TDP1: variants seen among roughly 807,000 people sequenced by gnomAD.
TDP1 encodes tyrosyl-DNA phosphodiesterase 1, also known as tyr-DNA phosphodiesterase 1.
Under a neutral mutation model 81.5 loss-of-function variants are expected in TDP1, and 64 were observed. The observed-to-expected ratio is 0.79, with a 90% confidence interval of 0.64 to 0.97. TDP1 has a LOEUF of 0.97. TDP1 is among the 50% of genes least tolerant of loss of function. The pLI is 0.00. For missense variants in TDP1, 723 were observed against 743.8 expected, an observed-to-expected ratio of 0.97 and a Z score of 0.33; for synonymous variants, 256 against 264.3, an observed-to-expected ratio of 0.97 and a Z score of 0.30.
At chr14:90,032,097 C>T (rs1483690572) in intron 15 of TDP1, among the ~76,000 whole-genome samples, 5 of 152,102 alleles carry the variant, frequency 3.3e-5, no homozygotes, top group Non-Finnish European at 7.4e-5. Context: ...AAGAGGGACT[C>T]GAGAAATAAA....
At chr14:90,040,303 G>A (rs746345271) in intron 16 of TDP1, among the ~76,000 whole-genome samples, 3 of 152,052 alleles carry the variant, frequency 2.0e-5, no homozygotes, top group Non-Finnish European at 2.9e-5. Flanking sequence ...TCCCATCCCC[G>A]TAGCCTTGAA....
At chr14:89,960,140 TG>T (rs1469787076) in intron 2 of TDP1, among the ~76,000 whole-genome samples, 1 of 152,238 alleles carries the variant, frequency 6.6e-6, no homozygotes, top group Non-Finnish European at 1.5e-5. Context: ...GTGGTTCTTT[TG>T]TTCCTAGATA....
chr14:89,955,363 A>G (rs1891456935), upstream of TDP1: 1 of 152,268 alleles, frequency 6.6e-6, no homozygotes, highest in African/African-American at 2.4e-5. Flanking sequence ...AAATACCATA[A>G]ACAGCACCGA....
rs1315297435 is a variant in TDP1 at position 89,984,507 on chromosome 14, T to A, written c.885-9T>A. 1 of 1,613,966 alleles carries A rather than the reference T, an allele frequency of 6.2e-7. No individual in the cohort carries two copies. The highest frequency in any genetic ancestry group is 8.5e-7 in the Non-Finnish European group (1 of 1,180,038). ...GCCTGACTGTTAAAGGTTATTTTTT[T>A]AATTCCAGAATATGGTTGAGCCCCT... On this transcript the variant is annotated splice_polypyrimidine_tract_variant and intron_variant, in intron 8 of 16. Coordinates refer to ENST00000335725, the MANE Select transcript of TDP1 (RefSeq NM_018319.4).
chr14:90,037,384 G>A (rs1308576860), intron 16 of TDP1, among the ~76,000 whole-genome samples: 1 of 152,098 alleles, frequency 6.6e-6, no homozygotes, highest in Admixed American at 6.6e-5. Flanking sequence ...TTAATAAATT[G>A]TATGACTCCT....
chr14:89,988,937 C>A lies in TDP1; in HGVS notation c.1164C>A (p.Asn388Lys). 6.2e-7 allele frequency: 1 copy of A among 1,614,178 alleles called. No individual in the cohort carries two copies. Among genetic ancestry groups the A allele is most frequent in the Non-Finnish European group, 8.5e-7 (1 of 1,180,020 alleles). Reference protein sequence around the residue: ...LLKDHASSMPNAESWPVVGQF... With the variant: ...LLKDHASSMPKAESWPVVGQF... ...AAGACCATGCCTCATCCATGCCTAA[C>A]GCAGAGTCCTGGCCTGTCGTAGGTC... is the stretch of plus-strand genomic sequence containing the variant. Residue 388 changes from asparagine to lysine, a missense_variant, in exon 11 of 17, where the codon AAC becomes AAA. Transcript: ENST00000335725.
chr14:90,030,931 A>AT (rs375942904), intron 15 of TDP1, among the ~76,000 whole-genome samples: 8,481 of 146,182 alleles, frequency 0.058, 379 homozygotes, highest in African/African-American at 0.12. Flanking sequence ...ACTCCAGTTA[A>AT]TTTTTTTTTT....
intron 16 of TDP1, among the ~76,000 whole-genome samples, chr14:90,038,907 T>TG (rs1270648365): frequency 6.6e-6 from 1 of 151,984 alleles, no homozygotes; most frequent in African/African-American, 2.4e-5. Context: ...AAATGAAGTT[T>TG]TTTTTTTTTA....
intron 6 of TDP1, among the ~76,000 whole-genome samples, chr14:89,975,137 G>A (rs1254657551): frequency 1.3e-5 from 2 of 152,108 alleles, no homozygotes; most frequent in Admixed American, 6.5e-5. Flanking sequence ...GTGCAGTGGC[G>A]CTATCTCAGC....
chr14:90,042,395 T>C (rs774753102), intron 16 of TDP1, among the ~76,000 whole-genome samples: 2 of 152,160 alleles, frequency 1.3e-5, no homozygotes, highest in Non-Finnish European at 2.9e-5. Flanking sequence ...ACAACATAGG[T>C]ACAGATAAGG....
intron 12 of TDP1, among the ~76,000 whole-genome samples, chr14:89,990,291 C>T (rs1489624423): frequency 6.6e-6 from 1 of 152,166 alleles, no homozygotes; most frequent in Non-Finnish European, 1.5e-5. Flanking sequence ...CAACGCTGTC[C>T]CTTTCCCTTA....
chr14:89,969,876 CTTTTTT>C (rs5810477), intron 5 of TDP1, among the ~76,000 whole-genome samples: 1 of 122,856 alleles, frequency 8.1e-6, no homozygotes, highest in African/African-American at 3.1e-5. Flanking sequence ...ATACTTATTT[CTTTTTT>C]TTTTTTTTTT....
chr14:90,037,869 T>C (rs540413503), intron 16 of TDP1, among the ~76,000 whole-genome samples: 2 of 152,346 alleles, frequency 1.3e-5, no homozygotes, highest in South Asian at 2.1e-4. Context: ...TATGTCTCTT[T>C]AGTCTCCATT....
intron 8 of TDP1, chr14:89,981,519 G>A (rs960773735): frequency 2.2e-6 from 1 of 453,476 alleles, no homozygotes; most frequent in Admixed American, 2.4e-5. Context: ...ACAGCCTTCT[G>A]TGTTGGGAGA....
chr14:90,025,211 CCCACAG>C (rs560087641), intron 15 of TDP1, among the ~76,000 whole-genome samples: 56 of 152,290 alleles, frequency 3.7e-4, no homozygotes, highest in African/African-American at 1.1e-3. Flanking sequence ...TCTCTACTTC[CCCACAG>C]CCATGATTAG....
Position 90,011,934 on chromosome 14 carries a change from A to G in TDP1, c.1542-7382A>G, listed in dbSNP as rs540770896. Reference sequence around the variant, plus strand: ...GGAGCCAAATGTTAATTGCCAAGACAATGGGGAAAATGTCTGCAGGGCATG... The same window carrying G: ...GGAGCCAAATGTTAATTGCCAAGACGATGGGGAAAATGTCTGCAGGGCATG... On this transcript the variant is annotated intron_variant, in intron 14 of 16. Coordinates refer to ENST00000335725, the MANE Select transcript of TDP1 (RefSeq NM_018319.4). 2.6e-5 allele frequency among the ~76,000 whole-genome samples: 4 copies of G among 152,358 alleles called. No individual in the cohort carries two copies. The East Asian group carries it at 5.8e-4, about 22-fold the overall frequency.
intron 13 of TDP1, chr14:89,992,999 G>A: frequency 1.1e-6 from 1 of 941,974 alleles, no homozygotes; most frequent in Non-Finnish European, 1.3e-6. Context: ...CTTTTGCTGA[G>A]CCTCTACTCA....
chr14:89,974,193 A>G (rs1893995247), intron 6 of TDP1, among the ~76,000 whole-genome samples: 1 of 152,212 alleles, frequency 6.6e-6, no homozygotes, highest in African/African-American at 2.4e-5. Flanking sequence ...TGTTCATCCT[A>G]GAGTTTACTA....
At chr14:90,031,826 C>T (rs1264186565) in intron 15 of TDP1, among the ~76,000 whole-genome samples, 2 of 152,166 alleles carry the variant, frequency 1.3e-5, no homozygotes, top group Non-Finnish European at 2.9e-5. Flanking sequence ...GCTCATCTTT[C>T]AGAGTTTAAT....
Sources: allele counts gnomAD v4.1 joint callset (sites outside exome capture counted in the v4.1 genomes callset), GRCh38; gene constraint gnomAD v4.1.1; transcripts MANE v1.5; gene names NCBI Gene and HGNC (gene_info 2026-07-23, HGNC 2026-07-21).